DAB1: variants seen among roughly 807,000 people sequenced by gnomAD.
DAB1 encodes DAB adaptor protein 1, also known as disabled homolog 1.
DAB1 carries 15 observed loss-of-function variants against 64.6 expected under a neutral mutation model. That is an observed-to-expected ratio of 0.23 (90% CI 0.16 to 0.36). The LOEUF is 0.36. Ranked by LOEUF, DAB1 falls within the 10% of genes least tolerant of loss-of-function variation. The pLI, the probability that DAB1 is intolerant of heterozygous loss-of-function variation, is 1.00. For missense variants in DAB1, 596 were observed against 706.7 expected (o/e 0.84, Z 1.78); for synonymous variants, 235 against 251.9 (o/e 0.93, Z 0.64).
At chr1:58,093,523 T>C (rs529795023) in intron 5 of DAB1, among the ~76,000 whole-genome samples, 1 of 152,130 alleles carries the variant, frequency 6.6e-6, no homozygotes, top group East Asian at 1.9e-4. Flanking sequence ...CTAGTTTGCA[T>C]GCTCCTTATG....
At chr1:58,021,276 G>A (rs927136837) in intron 5 of DAB1, among the ~76,000 whole-genome samples, 2 of 152,164 alleles carry the variant, frequency 1.3e-5, no homozygotes, top group African/African-American at 2.4e-5. Flanking sequence ...GAGCATGTGC[G>A]TATGACCTAA....
intron 5 of DAB1, among the ~76,000 whole-genome samples, chr1:57,951,910 G>A (rs1057338238): frequency 6.6e-6 from 1 of 152,184 alleles, no homozygotes; most frequent in Non-Finnish European, 1.5e-5. Flanking sequence ...ACTTAAAAGA[G>A]TGAGCAGATT....
intron 3 of DAB1, among the ~76,000 whole-genome samples, chr1:58,394,910 T>G (rs533426869): frequency 6.6e-6 from 1 of 152,072 alleles, no homozygotes; most frequent in East Asian, 1.9e-4. Context: ...AATTATATGT[T>G]ATAAAGCCGA....
At chr1:57,069,828 T>C (rs1228442682) in intron 7 of DAB1, among the ~76,000 whole-genome samples, 1 of 152,192 alleles carries the variant, frequency 6.6e-6, no homozygotes, top group South Asian at 2.1e-4. Flanking sequence ...CCTTTTTCCC[T>C]AAGGTTCAAA....
chr1:57,112,693 C>T (rs1655775147), intron 4 of DAB1, among the ~76,000 whole-genome samples: 1 of 151,962 alleles, frequency 6.6e-6, no homozygotes, highest in South Asian at 2.1e-4. Context: ...ATAAATATCA[C>T]CCAAAGAAGC....
intron 5 of DAB1, among the ~76,000 whole-genome samples, chr1:57,956,818 G>C (rs532369882): frequency 2.8e-4 from 42 of 152,348 alleles, no homozygotes; most frequent in Non-Finnish European, 4.4e-4. Context: ...AAAGAGTTGA[G>C]CAACATGTGG....
chr1:57,659,532 C>T (rs1032722391), intron 6 of DAB1, among the ~76,000 whole-genome samples: 8 of 152,162 alleles, frequency 5.3e-5, no homozygotes, highest in African/African-American at 9.7e-5. Flanking sequence ...GTTCTCTACT[C>T]TGTCATTACT....
chr1:58,184,583 G>A (rs1261184917), intron 4 of DAB1, among the ~76,000 whole-genome samples: 5 of 152,088 alleles, frequency 3.3e-5, no homozygotes, highest in African/African-American at 1.2e-4. Flanking sequence ...TTGAAATGCA[G>A]TAGAATCAGC....
intron 4 of DAB1, among the ~76,000 whole-genome samples, chr1:58,227,778 C>T (rs1359282022): frequency 6.6e-6 from 1 of 152,202 alleles, no homozygotes; most frequent in Non-Finnish European, 1.5e-5. Flanking sequence ...CTCACTGTTT[C>T]TCCCCCTTCT....
intron 7 of DAB1, among the ~76,000 whole-genome samples, chr1:57,541,880 C>T (rs369332212): frequency 2.2e-4 from 33 of 152,142 alleles, no homozygotes; most frequent in African/African-American, 7.5e-4. Flanking sequence ...AATAAAGTCA[C>T]TTTCCTAAGG....
intron 1 of DAB1, among the ~76,000 whole-genome samples, chr1:57,831,325 T>C: frequency 6.6e-6 from 1 of 152,138 alleles, no homozygotes; most frequent in East Asian, 1.9e-4. Flanking sequence ...ACTAATGTTT[T>C]TCCCTTACTC....
intron 1 of DAB1, among the ~76,000 whole-genome samples, chr1:57,396,298 G>A (rs1035766498): frequency 6.6e-6 from 1 of 152,152 alleles, no homozygotes; most frequent in African/African-American, 2.4e-5. Context: ...AGCCAGAGTG[G>A]AGATCCATAA....
intron 3 of DAB1, among the ~76,000 whole-genome samples, chr1:58,460,419 G>A (rs892094305): frequency 1.3e-5 from 2 of 152,126 alleles, no homozygotes; most frequent in African/African-American, 4.8e-5. Flanking sequence ...GAGAGGTGGG[G>A]ACCAGAAACA....
At chr1:57,841,138 C>T (rs919057154) in intron 1 of DAB1, among the ~76,000 whole-genome samples, 1 of 152,168 alleles carries the variant, frequency 6.6e-6, no homozygotes, top group African/African-American at 2.4e-5. Flanking sequence ...AGTCCAAAAC[C>T]CAACAGGGTA....
chr1:57,478,586 CTTTTTTTTTTTTT>C (rs35538831), intron 7 of DAB1, among the ~76,000 whole-genome samples: 1 of 81,216 alleles, frequency 1.2e-5, no homozygotes, highest in Non-Finnish European at 2.3e-5. Flanking sequence ...TATTCCCATT[CTTTTTTTTTTTTT>C]TTTTTTTTTT....
chr1:57,370,767 G>T (rs532836809), intron 1 of DAB1, among the ~76,000 whole-genome samples: 81 of 152,232 alleles, frequency 5.3e-4, no homozygotes, highest in Non-Finnish European at 9.0e-4. Context: ...TTCTTCCTAA[G>T]CCTTGAGTCC....
chr1:57,926,632 G>T (rs1198137119), intron 5 of DAB1, among the ~76,000 whole-genome samples: 1 of 152,186 alleles, frequency 6.6e-6, no homozygotes. Context: ...TCACAGGATG[G>T]CTGTAGACTC....
intron 7 of DAB1, among the ~76,000 whole-genome samples, chr1:57,495,218 A>G (rs1218366792): frequency 6.6e-6 from 1 of 152,222 alleles, no homozygotes. Context: ...ACTTAGCCTA[A>G]GAGGCATCAG....
chr1:58,041,401 T>C (rs1388926732), intron 5 of DAB1, among the ~76,000 whole-genome samples: 2 of 152,194 alleles, frequency 1.3e-5, no homozygotes, highest in Admixed American at 6.5e-5. Flanking sequence ...AGCATATGAT[T>C]GTGGGCTGTC....
Sources: gnomAD v4.1 joint callset for allele counts (sites outside exome capture counted in the v4.1 genomes callset) on GRCh38, gnomAD v4.1.1 for gene constraint, MANE v1.5 for transcripts, NCBI Gene and HGNC (gene_info 2026-07-23, HGNC 2026-07-21) for gene names.